Variants in SLC24A2 observed in about 807,000 individuals in gnomAD.
The protein encoded by SLC24A2 is sodium/potassium/calcium exchanger 2.
Under a neutral mutation model 62.0 loss-of-function variants are expected in SLC24A2, and 36 were observed. The ratio of observed to expected loss-of-function variants is 0.58; its 90% CI spans 0.44 to 0.77. The LOEUF is 0.77. Ranked by LOEUF, SLC24A2 falls within the 30% of genes least tolerant of loss-of-function variation. SLC24A2 has a pLI of 0.00. For synonymous variants in SLC24A2, 358 were observed against 294.0 expected (o/e 1.22, Z -2.23); for missense variants, 846 against 817.9 (o/e 1.03, Z -0.42).
the SLC24A2 span, among the ~76,000 whole-genome samples, chr9:19,998,773 A>C: frequency 6.6e-6 from 1 of 152,120 alleles, no homozygotes; most frequent in Non-Finnish European, 1.5e-5. Flanking sequence ...TCCTTCTCCC[A>C]CCCCTGGGGG....
the SLC24A2 span, among the ~76,000 whole-genome samples, chr9:20,200,282 T>C: frequency 6.6e-6 from 1 of 152,234 alleles, no homozygotes; most frequent in Admixed American, 6.5e-5. Context: ...CGGGACACTT[T>C]CATGTGGAGA....
At chr9:20,051,286 A>G in the SLC24A2 span, among the ~76,000 whole-genome samples, 1 of 152,220 alleles carries the variant, frequency 6.6e-6, no homozygotes, top group African/African-American at 2.4e-5. Flanking sequence ...AATGCTTTAA[A>G]TCATATTAAA....
chr9:19,826,067 C>T, the SLC24A2 span, among the ~76,000 whole-genome samples: 2 of 147,798 alleles, frequency 1.4e-5, no homozygotes, highest in Non-Finnish European at 3.0e-5. Context: ...ATGATTAAAA[C>T]AAAATGCCTG....
intron 2 of SLC24A2, among the ~76,000 whole-genome samples, chr9:19,680,384 C>T (rs1403426968): frequency 6.6e-6 from 1 of 151,934 alleles, no homozygotes; most frequent in African/African-American, 2.4e-5. Context: ...ATGACCACAG[C>T]CAGGCAAACC....
the SLC24A2 span, among the ~76,000 whole-genome samples, chr9:20,168,483 T>C: frequency 1.3e-5 from 2 of 151,906 alleles, no homozygotes; most frequent in African/African-American, 2.4e-5. Flanking sequence ...ATCTAGAATA[T>C]ATAAAGAACT....
chr9:20,234,984 A>T, the SLC24A2 span, among the ~76,000 whole-genome samples: 1 of 152,238 alleles, frequency 6.6e-6, no homozygotes, highest in Non-Finnish European at 1.5e-5. Context: ...AGTTTGCCAG[A>T]GATCCACTCC....
At chr9:19,583,489 G>C (rs979302140) in intron 5 of SLC24A2, among the ~76,000 whole-genome samples, 1 of 152,200 alleles carries the variant, frequency 6.6e-6, no homozygotes, top group African/African-American at 2.4e-5. Context: ...AAAAGGGCAA[G>C]GTTTTTCACT....
chr9:19,560,779 CTTAGTTTATTT>C (rs1563965198), intron 7 of SLC24A2, among the ~76,000 whole-genome samples: 1 of 152,024 alleles, frequency 6.6e-6, no homozygotes, highest in East Asian at 1.9e-4. Flanking sequence ...ATTGTGTTCA[CTTAGTTTATTT>C]TTAAATTGTC....
the SLC24A2 span, among the ~76,000 whole-genome samples, chr9:20,186,590 T>A: frequency 6.6e-6 from 1 of 152,184 alleles, no homozygotes; most frequent in Admixed American, 6.5e-5. Context: ...TAGAGTCAGC[T>A]TTATGGTTAA....
chr9:19,856,726 G>C, the SLC24A2 span, among the ~76,000 whole-genome samples: 1 of 152,160 alleles, frequency 6.6e-6, no homozygotes, highest in Non-Finnish European at 1.5e-5. Context: ...TCCTGTATAA[G>C]GTGTCTGGCA....
chr9:19,680,988 G>A (rs966236860), intron 2 of SLC24A2, among the ~76,000 whole-genome samples: 51 of 151,864 alleles, frequency 3.4e-4, no homozygotes, highest in African/African-American at 1.1e-3. Flanking sequence ...TGCCCTGTCT[G>A]CCTTCATCCC....
rs1832704061 is a variant in SLC24A2 at position 19,511,238 on chromosome 9, T to G, written c.*4915A>C. 1 of 152,136 alleles carries G rather than the reference T, an allele frequency of 6.6e-6. No homozygotes were observed. Among genetic ancestry groups the G allele is most frequent in the African/African-American group, 2.4e-5 (1 of 41,436 alleles). The allele number at this position is 152,136 out of a possible 1,614,324, so 9.4% of individuals were successfully genotyped here. A position where few individuals can be genotyped will look rare whatever the true frequency, so the allele number is the denominator to read the frequency against. On this transcript the variant is annotated 3_prime_UTR_variant, in exon 11 of 11. Coordinates refer to ENST00000341998, the MANE Select transcript of SLC24A2 (RefSeq NM_020344.4). ...TAGTTCCCTTATTGCTTTTCTTGTT[T>G]GCTATATATTTAAAAAATATGAAGC...
chr9:20,074,857 C>T, the SLC24A2 span, among the ~76,000 whole-genome samples: 1 of 152,038 alleles, frequency 6.6e-6, no homozygotes, highest in Non-Finnish European at 1.5e-5. Flanking sequence ...TTTGCCTTCT[C>T]TTGGAAATCA....
the SLC24A2 span, among the ~76,000 whole-genome samples, chr9:20,173,032 A>G: frequency 6.6e-6 from 1 of 152,090 alleles, no homozygotes. Flanking sequence ...TTTAACATAA[A>G]CAAGACAATA....
At chr9:20,201,207 G>A in the SLC24A2 span, among the ~76,000 whole-genome samples, 3 of 152,164 alleles carry the variant, frequency 2.0e-5, no homozygotes, top group South Asian at 2.1e-4. Flanking sequence ...TTTGGGAAAG[G>A]GTTTTGTTTT....
intron 8 of SLC24A2, among the ~76,000 whole-genome samples, chr9:19,544,812 C>A (rs908809065): frequency 7.2e-5 from 11 of 152,214 alleles, no homozygotes; most frequent in Admixed American, 3.3e-4. Context: ...GTCTGATGGG[C>A]TTCCCTTTGT....
At chr9:20,030,090 G>T in the SLC24A2 span, among the ~76,000 whole-genome samples, 4 of 152,304 alleles carry the variant, frequency 2.6e-5, no homozygotes, top group East Asian at 7.7e-4. Flanking sequence ...GCACATTTTA[G>T]ACCTAGAGAG....
At chr9:19,970,518 G>A in the SLC24A2 span, among the ~76,000 whole-genome samples, 16 of 152,156 alleles carry the variant, frequency 1.1e-4, no homozygotes, top group African/African-American at 2.9e-4. Context: ...TCTGCCTCCA[G>A]TAGGAAAGCT....
the SLC24A2 span, among the ~76,000 whole-genome samples, chr9:20,227,930 C>T: frequency 2.0e-5 from 3 of 152,212 alleles, no homozygotes; most frequent in African/African-American, 7.2e-5. Context: ...TAAAAACAAC[C>T]TGTTTCAGTT....
Sources: gnomAD v4.1 joint callset for allele counts (sites outside exome capture counted in the v4.1 genomes callset) on GRCh38, gnomAD v4.1.1 for gene constraint, MANE v1.5 for transcripts, NCBI Gene and HGNC (gene_info 2026-07-23, HGNC 2026-07-21) for gene names.